CLVS1: variants seen among roughly 807,000 people sequenced by gnomAD.
CLVS1 encodes the protein clavesin-1.
CLVS1 carries 10 observed loss-of-function variants against 33.1 expected under a neutral mutation model. That is an observed-to-expected ratio of 0.30 (90% CI 0.19 to 0.51). The LOEUF is 0.51. Among genes scored for constraint, CLVS1 ranks in the 20% least tolerant of loss-of-function variants. The probability of loss-of-function intolerance (pLI) is 0.97; values close to 1 mark genes in which losing one functional copy is unlikely to be tolerated. For missense variants in CLVS1, 343 were observed against 433.4 expected (o/e 0.79, Z 1.85); for synonymous variants, 163 against 166.1 (o/e 0.98, Z 0.14).
chr8:61,231,627 A>C (rs1808435206), intron 2 of CLVS1, among the ~76,000 whole-genome samples: 1 of 152,204 alleles, frequency 6.6e-6, no homozygotes, highest in Admixed American at 6.5e-5. Flanking sequence ...GTATTATTTA[A>C]GATATTATGG....
Position 61,358,243 on chromosome 8 carries a change from G to A in CLVS1, c.456-18362G>A, listed in dbSNP as rs139421861. Among the ~76,000 whole-genome samples the A allele has an allele frequency of 7.7e-3, 1,179 of 152,320 alleles. 16 individuals carry two copies. The highest frequency in any genetic ancestry group is 0.026 in the African/African-American group (1,098 of 41,562). On this transcript the variant is annotated intron_variant, in intron 2 of 5. Transcript: ENST00000325897. Reference sequence around the variant, plus strand: ...TGACTTCTTTAAATGTTTGTAAAATGTTATTTGTTTGACCCTCACCTACCT... The same window carrying A: ...TGACTTCTTTAAATGTTTGTAAAATATTATTTGTTTGACCCTCACCTACCT...
chr8:61,296,856 C>T (rs557496460), intron 1 of CLVS1, among the ~76,000 whole-genome samples: 2 of 152,116 alleles, frequency 1.3e-5, no homozygotes, highest in African/African-American at 4.8e-5. Context: ...TTTGGCCACA[C>T]CCTGTATCAG....
At chr8:61,166,030 C>CTTTTTTTTTTTTT (rs1394098764) in intron 2 of CLVS1, among the ~76,000 whole-genome samples, 3 of 33,930 alleles carry the variant, frequency 8.8e-5, no homozygotes, top group South Asian at 6.9e-4. Flanking sequence ...AGCATCTAAG[C>CTTTTTTTTTTTTT]GTTTTTTTTT....
At chr8:61,488,852 C>G (rs1033942888) in intron 5 of CLVS1, among the ~76,000 whole-genome samples, 19 of 152,214 alleles carry the variant, frequency 1.2e-4, no homozygotes, top group Non-Finnish European at 8.8e-5. Flanking sequence ...CCCTGGCTCC[C>G]TTCTCCCATT....
chr8:61,336,889 C>CA (rs1179819586), intron 2 of CLVS1, among the ~76,000 whole-genome samples: 3 of 151,882 alleles, frequency 2.0e-5, no homozygotes, highest in Admixed American at 6.6e-5. Context: ...AACAAACAAA[C>CA]AAAAAAATAA....
chr8:61,482,947 T>G (rs1306797439), intron 5 of CLVS1, among the ~76,000 whole-genome samples: 3 of 152,226 alleles, frequency 2.0e-5, no homozygotes, highest in Non-Finnish European at 4.4e-5. Context: ...AAGCAGTGTG[T>G]AGAGGGAAAT....
intron 2 of CLVS1, among the ~76,000 whole-genome samples, chr8:61,350,095 G>A (rs899806060): frequency 8.6e-5 from 13 of 151,978 alleles, no homozygotes; most frequent in Non-Finnish European, 1.9e-4. Flanking sequence ...TAGATAAAAG[G>A]GATAAGTCCA....
At chr8:61,458,571 C>CG (rs775292670) in intron 5 of CLVS1, 29 bp downstream of exon 5, 2 of 1,461,718 alleles carry the variant, frequency 1.4e-6, no homozygotes, top group Admixed American at 2.2e-5. Context: ...GAGCCCCCCC[C>CG]CCAGTCAGAG....
chr8:61,399,398 C>A (rs955281287), intron 3 of CLVS1, among the ~76,000 whole-genome samples: 3 of 151,916 alleles, frequency 2.0e-5, no homozygotes, highest in African/African-American at 7.2e-5. Context: ...GGGTTGTTTT[C>A]TTTTTTCTTG....
At chr8:61,298,778 G>A (rs1243340354) in intron 1 of CLVS1, among the ~76,000 whole-genome samples, 1 of 152,118 alleles carries the variant, frequency 6.6e-6, no homozygotes, top group Non-Finnish European at 1.5e-5. Context: ...AAACAGTATG[G>A]GTGTTCCTCT....
chr8:61,129,598 A>G (rs1806047768), intron 1 of CLVS1, among the ~76,000 whole-genome samples: 1 of 152,204 alleles, frequency 6.6e-6, no homozygotes, highest in Non-Finnish European at 1.5e-5. Context: ...AGATCAAGGA[A>G]TTGACAGATT....
chr8:60,988,410 G>A, the CLVS1 span, among the ~76,000 whole-genome samples: 1 of 152,042 alleles, frequency 6.6e-6, no homozygotes, highest in Non-Finnish European at 1.5e-5. Context: ...TAAGAATCAA[G>A]CTGCTCCCGT....
chr8:61,124,363 G>T (rs1805934463), intron 1 of CLVS1, among the ~76,000 whole-genome samples: 1 of 152,180 alleles, frequency 6.6e-6, no homozygotes, highest in Non-Finnish European at 1.5e-5. Flanking sequence ...TTTCCAAAGT[G>T]GTCAACTTGT....
At chr8:61,330,210 AG>A (rs775781991) in intron 2 of CLVS1, among the ~76,000 whole-genome samples, 3 of 152,116 alleles carry the variant, frequency 2.0e-5, no homozygotes, top group Non-Finnish European at 4.4e-5. Context: ...GGACTGACCA[AG>A]GAGCAGCTGC....
chr8:61,313,548 C>T (rs374340532), intron 2 of CLVS1, among the ~76,000 whole-genome samples: 30 of 152,292 alleles, frequency 2.0e-4, no homozygotes, highest in African/African-American at 5.3e-4. Context: ...GCTGCCTCAG[C>T]CATGGCAAGG....
At chr8:61,293,260 G>A (rs1467017913) in intron 1 of CLVS1, among the ~76,000 whole-genome samples, 1 of 152,140 alleles carries the variant, frequency 6.6e-6, no homozygotes, top group Non-Finnish European at 1.5e-5. Context: ...TACTCTCCCT[G>A]CCCCTAGTAC....
intron 3 of CLVS1, among the ~76,000 whole-genome samples, chr8:61,440,695 A>T (rs1318416198): frequency 6.6e-6 from 1 of 152,224 alleles, no homozygotes; most frequent in Non-Finnish European, 1.5e-5. Flanking sequence ...ATTGCCAAAG[A>T]GTTAGAACTG....
At chr8:61,329,468 G>T (rs1354848021) in intron 2 of CLVS1, among the ~76,000 whole-genome samples, 1 of 152,126 alleles carries the variant, frequency 6.6e-6, no homozygotes, top group Non-Finnish European at 1.5e-5. Flanking sequence ...TGTGACTACA[G>T]CTAATGTTAA....
At chr8:61,393,400 TG>T (rs947387592) in intron 3 of CLVS1, among the ~76,000 whole-genome samples, 2 of 152,236 alleles carry the variant, frequency 1.3e-5, no homozygotes, top group African/African-American at 4.8e-5. Context: ...ATTCTTTATC[TG>T]GCGATTAAGA....
Sources: allele counts gnomAD v4.1 joint callset (sites outside exome capture counted in the v4.1 genomes callset), GRCh38; gene constraint gnomAD v4.1.1; transcripts MANE v1.5; gene names NCBI Gene and HGNC (gene_info 2026-07-23, HGNC 2026-07-21).